The following PCDH7 variants were observed in gnomAD, a reference collection of about 807,000 sequenced individuals.
PCDH7 encodes the protein protocadherin-7.
A neutral mutation model predicts 58.9 loss-of-function variants in PCDH7; 17 were observed. The observed-to-expected ratio is 0.29, with a 90% CI of 0.20 to 0.43. The LOEUF is 0.43. Among genes scored for constraint, PCDH7 ranks in the 20% least tolerant of loss-of-function variants. The pLI is 1.00. For synonymous variants in PCDH7, 664 were observed against 616.4 expected (o/e 1.08, Z -1.14); for missense variants, 1,274 against 1,441.0 (o/e 0.88, Z 1.88).
At chr4:31,014,487 G>A (rs1450975031) in intron 3 of PCDH7, among the ~76,000 whole-genome samples, 5 of 152,078 alleles carry the variant, frequency 3.3e-5, no homozygotes, top group Admixed American at 6.6e-5. Context: ...GTGGAGAGGA[G>A]GATGGGACAG....
intron 3 of PCDH7, among the ~76,000 whole-genome samples, chr4:30,980,344 ATTG>A (rs969646570): frequency 3.3e-5 from 5 of 151,720 alleles, no homozygotes; most frequent in Non-Finnish European, 7.4e-5. Flanking sequence ...ACTAATATAA[ATTG>A]TTTTTTTTGT....
At chr4:30,748,855 C>G (rs1310956881) in intron 1 of PCDH7, among the ~76,000 whole-genome samples, 2 of 152,120 alleles carry the variant, frequency 1.3e-5, no homozygotes, top group Admixed American at 6.5e-5. Flanking sequence ...TAAGGAGTGG[C>G]CTGACAATGA....
chr4:30,776,637 C>G (rs797020598), intron 1 of PCDH7, among the ~76,000 whole-genome samples: 4 of 152,168 alleles, frequency 2.6e-5, no homozygotes, highest in African/African-American at 9.6e-5. Context: ...CAGAGACAAC[C>G]AATGAGAGAA....
chr4:31,045,619 A>G (rs774126481), intron 3 of PCDH7, among the ~76,000 whole-genome samples: 21 of 152,126 alleles, frequency 1.4e-4, no homozygotes, highest in Non-Finnish European at 2.5e-4. Flanking sequence ...ACTTGTTAAT[A>G]AAATATTTTT....
At chr4:30,861,857 C>G (rs192504972) in intron 1 of PCDH7, among the ~76,000 whole-genome samples, 4 of 152,124 alleles carry the variant, frequency 2.6e-5, no homozygotes, top group African/African-American at 7.2e-5. Context: ...AAGTAGAGCA[C>G]CTTGTTAGCC....
At chr4:31,081,591 T>TGGCCTTTACATGTACA (rs1439152008) in intron 3 of PCDH7, among the ~76,000 whole-genome samples, 2 of 152,162 alleles carry the variant, frequency 1.3e-5, no homozygotes, top group African/African-American at 2.4e-5. Context: ...TTATTAGTTT[T>TGGCCTTTACATGTACA]GGTTCCTTTA....
intron 3 of PCDH7, among the ~76,000 whole-genome samples, chr4:30,993,812 T>C (rs1307573511): frequency 6.6e-6 from 1 of 152,052 alleles, no homozygotes; most frequent in Non-Finnish European, 1.5e-5. Flanking sequence ...CAACTGTAAA[T>C]TATATGAAGA....
intron 2 of PCDH7, among the ~76,000 whole-genome samples, chr4:30,930,912 C>T (rs1170165898): frequency 1.3e-5 from 2 of 152,150 alleles, no homozygotes; most frequent in Non-Finnish European, 2.9e-5. Flanking sequence ...GCACTCCAGC[C>T]TGAGTGACAG....
At chr4:30,992,126 G>C (rs1254127849) in intron 3 of PCDH7, among the ~76,000 whole-genome samples, 1 of 152,186 alleles carries the variant, frequency 6.6e-6, no homozygotes, top group Non-Finnish European at 1.5e-5. Flanking sequence ...TGGTAGAATT[G>C]TGTTGAAGAT....
At chr4:31,083,089 C>T (rs28861207) in intron 3 of PCDH7, among the ~76,000 whole-genome samples, 86,568 of 151,840 alleles carry the variant, frequency 0.57, 25,672 homozygotes, top group East Asian at 0.78. Flanking sequence ...GCCTGGGCGA[C>T]AGAGCAAGAC....
intron 1 of PCDH7, among the ~76,000 whole-genome samples, chr4:30,859,071 TC>T (rs1733857475): frequency 6.6e-6 from 1 of 152,180 alleles, no homozygotes; most frequent in Non-Finnish European, 1.5e-5. Flanking sequence ...TTTCCTTTTT[TC>T]TCCCTTCTCT....
At chr4:30,883,662 C>CT in intron 1 of PCDH7, among the ~76,000 whole-genome samples, 1 of 152,214 alleles carries the variant, frequency 6.6e-6, no homozygotes, top group South Asian at 2.1e-4. Context: ...CTCTCTTCTC[C>CT]TTTTTTAATT....
intron 1 of PCDH7, among the ~76,000 whole-genome samples, chr4:30,809,553 G>A (rs1271285479): frequency 1.3e-5 from 2 of 152,114 alleles, no homozygotes; most frequent in African/African-American, 4.8e-5. Flanking sequence ...AGAACTCAGA[G>A]GTAGCTGTGA....
chr4:31,122,561 A>C (rs7693529), intron 3 of PCDH7, among the ~76,000 whole-genome samples: 85,070 of 151,966 alleles, frequency 0.56, 27,239 homozygotes, highest in African/African-American at 0.88. Context: ...TTACTGAAAT[A>C]CTGTACCTTT....
intron 2 of PCDH7, among the ~76,000 whole-genome samples, chr4:30,936,962 C>CACACACACACAGACAT (rs1560516604): frequency 6.7e-6 from 1 of 149,854 alleles, no homozygotes; most frequent in Non-Finnish European, 1.5e-5. Flanking sequence ...TCATTCAGAA[C>CACACACACACAGACAT]ACACACACAC....
At chr4:30,767,560 T>C (rs968558982) in intron 1 of PCDH7, among the ~76,000 whole-genome samples, 7 of 152,168 alleles carry the variant, frequency 4.6e-5, no homozygotes, top group African/African-American at 1.2e-4. Flanking sequence ...AGGACAGAGA[T>C]GGTAACAAGA....
rs79132181 is a variant in PCDH7 at position 31,099,113 on chromosome 4, A to G, written c.*8-43360A>G. On this transcript the variant is annotated intron_variant, in intron 3 of 3. Transcript: ENST00000509759. ...AACATAGGAATTTTGAGGTGACACA[A>G]TTCAGCTTATAACACAGAGGGAGAG... 9.9e-4 allele frequency among the ~76,000 whole-genome samples: 151 copies of G among 152,304 alleles called. 2 individuals carry two copies. In the East Asian group the frequency reaches 0.025, roughly 26 times the overall value.
At chr4:30,804,469 G>A (rs1466777306) in intron 1 of PCDH7, among the ~76,000 whole-genome samples, 1 of 151,690 alleles carries the variant, frequency 6.6e-6, no homozygotes, top group Non-Finnish European at 1.5e-5. Flanking sequence ...GACCTGGGAG[G>A]CAGAGGTTGC....
rs573662103 is a variant in PCDH7 at position 30,800,138 on chromosome 4, G to A, written c.70+75542G>A. The stretch of plus-strand genomic sequence containing the variant: ...CTCCCAAAGTGCTGGGATTACAGGC[G>A]TGAGCCACCTTGCCCAGCGTATGAA... On this transcript the variant is annotated intron_variant, in intron 1 of 3. Transcript: ENST00000509759. Among the ~76,000 whole-genome samples, 59 of 151,910 alleles carry A rather than the reference G, an allele frequency of 3.9e-4. No individual in the cohort carries two copies. In the East Asian group the frequency reaches 7.9e-3, roughly 20 times the overall value.
Sources: allele counts gnomAD v4.1 joint callset (sites outside exome capture counted in the v4.1 genomes callset), GRCh38; gene constraint gnomAD v4.1.1; transcripts MANE v1.5; gene names NCBI Gene and HGNC (gene_info 2026-07-23, HGNC 2026-07-21).